SNTG1: variants seen among roughly 807,000 people sequenced by gnomAD.
SNTG1 encodes gamma-1-syntrophin.
In SNTG1, 39 loss-of-function variants were observed where a neutral mutation model predicts 74.7. The observed-to-expected ratio is 0.52, with a 90% CI of 0.40 to 0.68. The LOEUF is 0.68. Among genes scored for constraint, SNTG1 ranks in the 30% least tolerant of loss-of-function variants. The pLI is 0.00. For missense variants in SNTG1, 685 were observed against 609.5 expected (o/e 1.12, Z -1.30); for synonymous variants, 254 against 217.1 (o/e 1.17, Z -1.49).
chr8:50,681,214 T>C (rs1026185839), intron 15 of SNTG1, among the ~76,000 whole-genome samples: 2 of 152,144 alleles, frequency 1.3e-5, no homozygotes, highest in Admixed American at 6.5e-5. Context: ...AAGATTGGAA[T>C]TATGCAGGTT....
chr8:50,069,845 A>G (rs1821211972), intron 1 of SNTG1, among the ~76,000 whole-genome samples: 1 of 151,788 alleles, frequency 6.6e-6, no homozygotes, highest in Non-Finnish European at 1.5e-5. Context: ...CTCTCTAGGC[A>G]AAGCTTGCCC....
chr8:50,393,509 C>G (rs2131306521), intron 2 of SNTG1, among the ~76,000 whole-genome samples: 2 of 152,210 alleles, frequency 1.3e-5, no homozygotes, highest in Admixed American at 1.3e-4. Context: ...TGTCAACTTT[C>G]CGTGACATAT....
intron 8 of SNTG1, among the ~76,000 whole-genome samples, chr8:50,500,372 A>T (rs1455513334): frequency 6.6e-6 from 1 of 151,970 alleles, no homozygotes; most frequent in Non-Finnish European, 1.5e-5. Flanking sequence ...TTATGAAAAA[A>T]TATTTGTATA....
chr8:50,712,513 G>A (rs1377376520), intron 17 of SNTG1, among the ~76,000 whole-genome samples: 1 of 152,008 alleles, frequency 6.6e-6, no homozygotes, highest in Non-Finnish European at 1.5e-5. Context: ...TACACTTTAA[G>A]TTCTTGGATA....
At chr8:50,200,444 C>T (rs961048114) in intron 2 of SNTG1, among the ~76,000 whole-genome samples, 3 of 152,050 alleles carry the variant, frequency 2.0e-5, no homozygotes, top group East Asian at 1.9e-4. Flanking sequence ...CATTAATACT[C>T]GAAACTCAAT....
At chr8:50,195,098 A>G (rs2083714034) in intron 2 of SNTG1, among the ~76,000 whole-genome samples, 1 of 152,076 alleles carries the variant, frequency 6.6e-6, no homozygotes, top group Non-Finnish European at 1.5e-5. Context: ...CTCAGTCTCT[A>G]CTTGGGCAGT....
intron 2 of SNTG1, among the ~76,000 whole-genome samples, chr8:50,329,234 G>C (rs1277289344): frequency 1.3e-5 from 2 of 152,136 alleles, no homozygotes; most frequent in Admixed American, 1.3e-4. Context: ...CACAGTGCAA[G>C]CTGTCATTCT....
At chr8:50,323,437 G>A (rs192163048) in intron 2 of SNTG1, among the ~76,000 whole-genome samples, 3 of 152,254 alleles carry the variant, frequency 2.0e-5, no homozygotes, top group Admixed American at 2.0e-4. Context: ...TAAAGAATTA[G>A]GTATTTATTA....
chr8:50,512,016 G>T (rs995728362), intron 9 of SNTG1, among the ~76,000 whole-genome samples: 1 of 152,064 alleles, frequency 6.6e-6, no homozygotes, highest in South Asian at 2.1e-4. Context: ...AGCCTCGATG[G>T]TCTTTACAAT....
At chr8:49,910,751 T>C (rs1286542790), upstream of SNTG1, 1 of 152,334 alleles carries the variant, frequency 6.6e-6, no homozygotes, top group Non-Finnish European at 1.5e-5. Context: ...GAAAATGGGC[T>C]GAAAAGCCAA....
intron 2 of SNTG1, among the ~76,000 whole-genome samples, chr8:50,250,340 C>A (rs10108468): frequency 0.33 from 49,550 of 151,654 alleles, 8,602 homozygotes; most frequent in African/African-American, 0.45. Context: ...CTTCATTAAG[C>A]AAACAAGTAT....
chr8:50,791,739 C>G (rs1182371562), intron 18 of SNTG1, among the ~76,000 whole-genome samples: 1 of 151,584 alleles, frequency 6.6e-6, no homozygotes, highest in Non-Finnish European at 1.5e-5. Context: ...CTTTATTACC[C>G]TCTAGTTACC....
intron 13 of SNTG1, among the ~76,000 whole-genome samples, chr8:50,610,638 T>G (rs1412588028): frequency 2.0e-5 from 3 of 152,202 alleles, no homozygotes; most frequent in Non-Finnish European, 2.9e-5. Flanking sequence ...TTTATGCTAC[T>G]CACTCCTATT....
chr8:50,672,934 T>G (rs2095291798), intron 15 of SNTG1, among the ~76,000 whole-genome samples: 1 of 152,236 alleles, frequency 6.6e-6, no homozygotes, highest in African/African-American at 2.4e-5. Flanking sequence ...CATCATTTAT[T>G]AAATAGGGAA....
intron 2 of SNTG1, among the ~76,000 whole-genome samples, chr8:50,343,351 C>T (rs1246431837): frequency 2.0e-5 from 3 of 152,166 alleles, no homozygotes; most frequent in Admixed American, 2.0e-4. Context: ...ATTTCTGTGT[C>T]AGAGGACTCA....
At chr8:50,583,394 C>CAAAAAAAAAAAAAA (rs58794829) in intron 12 of SNTG1, among the ~76,000 whole-genome samples, 2 of 82,410 alleles carry the variant, frequency 2.4e-5, no homozygotes, top group African/African-American at 5.4e-5. Flanking sequence ...GAGTGAGACT[C>CAAAAAAAAAAAAAA]AAAAAAAAAA....
intron 4 of SNTG1, among the ~76,000 whole-genome samples, chr8:50,437,679 A>G (rs1229551085): frequency 5.9e-5 from 9 of 152,154 alleles, no homozygotes; most frequent in Admixed American, 2.0e-4. Context: ...CAGTGTCTCA[A>G]ATGATTCTGC....
chr8:50,268,275 G>A (rs1471948049), intron 2 of SNTG1, among the ~76,000 whole-genome samples: 4 of 152,172 alleles, frequency 2.6e-5, no homozygotes, highest in Non-Finnish European at 5.9e-5. Context: ...AATAAATGGA[G>A]AGACATATTA....
chr8:50,086,586 G>A (rs1489931898), intron 1 of SNTG1, among the ~76,000 whole-genome samples: 1 of 152,116 alleles, frequency 6.6e-6, no homozygotes, highest in Non-Finnish European at 1.5e-5. Context: ...ACCAGGGGAA[G>A]GACAGGCTTG....
Sources: gnomAD v4.1 joint callset for allele counts (sites outside exome capture counted in the v4.1 genomes callset) on GRCh38, gnomAD v4.1.1 for gene constraint, MANE v1.5 for transcripts, NCBI Gene and HGNC (gene_info 2026-07-23, HGNC 2026-07-21) for gene names.